KCTD8: variants seen among roughly 807,000 people sequenced by gnomAD.
KCTD8 encodes BTB/POZ domain-containing protein KCTD8.
A neutral mutation model predicts 31.5 loss-of-function variants in KCTD8; 27 were observed. The observed-to-expected ratio is 0.86, with a 90% CI of 0.63 to 1.18. The LOEUF (loss-of-function observed/expected upper bound fraction) is 1.18, where lower values mean the gene tolerates loss of function less well. KCTD8 is among the 50% of genes most tolerant of loss of function. The probability of loss-of-function intolerance (pLI) is 0.00; values close to 1 mark genes in which losing one functional copy is unlikely to be tolerated. For synonymous variants in KCTD8, 290 were observed against 280.0 expected (o/e 1.04, Z -0.36); for missense variants, 658 against 647.7 (o/e 1.02, Z -0.17).
chr4:44,380,429 A>T (rs1254429028), intron 1 of KCTD8, among the ~76,000 whole-genome samples: 1 of 151,826 alleles, frequency 6.6e-6, no homozygotes, highest in African/African-American at 2.4e-5. Flanking sequence ...AAAAAAAAAA[A>T]AAATCAGTAT....
rs538695823 is a variant in KCTD8, at chr4:44,414,230, G to T, written c.961+33333C>A. ...AAAAAAGAAGAGCAAAAGGCTTAGA[G>T]AATTTTTATTAAGCATCAACCAAGA... On this transcript the variant is annotated intron_variant, in intron 1 of 1. Coordinates refer to ENST00000360029, the MANE Select transcript of KCTD8 (RefSeq NM_198353.3). Among the ~76,000 whole-genome samples, 5 of 151,988 alleles carry T rather than the reference G, an allele frequency of 3.3e-5. No individual in the cohort carries two copies. In the East Asian group the frequency reaches 9.7e-4, roughly 29 times the overall value.
chr4:44,347,194 A>G (rs918991081), intron 1 of KCTD8, among the ~76,000 whole-genome samples: 1 of 152,224 alleles, frequency 6.6e-6, no homozygotes, highest in African/African-American at 2.4e-5. Context: ...TTTCAAAGCT[A>G]CTATCATAGC....
At chr4:44,371,581 C>T (rs889051884) in intron 1 of KCTD8, among the ~76,000 whole-genome samples, 3 of 152,012 alleles carry the variant, frequency 2.0e-5, no homozygotes, top group African/African-American at 4.8e-5. Flanking sequence ...GGAGGCTATT[C>T]CCAATTAAAT....
chr4:44,204,320 A>G (rs915003523), intron 1 of KCTD8, among the ~76,000 whole-genome samples: 1 of 152,170 alleles, frequency 6.6e-6, no homozygotes, highest in Non-Finnish European at 1.5e-5. Flanking sequence ...TAAAAGGCAG[A>G]AATGAAATCC....
intron 1 of KCTD8, among the ~76,000 whole-genome samples, chr4:44,215,664 G>C (rs779930702): frequency 7.2e-5 from 11 of 152,172 alleles, no homozygotes; most frequent in Non-Finnish European, 1.5e-4. Flanking sequence ...GCCAAGGTCT[G>C]CATTGAGAAC....
chr4:44,387,154 C>G (rs1720243811), intron 1 of KCTD8, among the ~76,000 whole-genome samples: 1 of 151,452 alleles, frequency 6.6e-6, no homozygotes, highest in Non-Finnish European at 1.5e-5. Context: ...ATACCTAGAA[C>G]TACACTAACT....
At chr4:44,316,399 G>T (rs1577611697) in intron 1 of KCTD8, among the ~76,000 whole-genome samples, 2 of 151,852 alleles carry the variant, frequency 1.3e-5, no homozygotes, top group Non-Finnish European at 1.5e-5. Context: ...TTCCTCCAGG[G>T]TTGATTTGTT....
At chr4:44,398,503 T>A (rs1373185002) in intron 1 of KCTD8, among the ~76,000 whole-genome samples, 2 of 152,208 alleles carry the variant, frequency 1.3e-5, no homozygotes, top group African/African-American at 4.8e-5. Flanking sequence ...GTGGATCAAC[T>A]ATATTCTAGC....
chr4:44,447,585 G>A lies in KCTD8; in HGVS notation c.939C>T (p.Ser313=), dbSNP rs750203965. 2 of 1,593,766 alleles carry A rather than the reference G, an allele frequency of 1.3e-6. No individual in the cohort carries two copies. The highest frequency in any genetic ancestry group is 2.3e-5 in the East Asian group (1 of 43,844). Residue 313 remains serine (S), a synonymous_variant, in exon 1 of 2, where the codon AGC becomes AGT. Transcript: ENST00000360029. ...TACGGAAGAAAATGTACTCGGTGTA[G>A]CTGCTCCAGATCTTGTCGTCGCGGT... is the stretch of plus-strand genomic sequence containing the variant. ...NQYRDDKIWS[S]YTEYIFFRPP... is the part of the protein sequence containing the mutation.
At chr4:44,335,856 G>A (rs1282750681) in intron 1 of KCTD8, among the ~76,000 whole-genome samples, 1 of 151,914 alleles carries the variant, frequency 6.6e-6, no homozygotes, top group African/African-American at 2.4e-5. Context: ...ACCCACAATA[G>A]AAAAAATATA....
chr4:44,413,778 G>T (rs1721011690), intron 1 of KCTD8, among the ~76,000 whole-genome samples: 1 of 152,018 alleles, frequency 6.6e-6, no homozygotes, highest in Non-Finnish European at 1.5e-5. Context: ...GGAGTCTGCA[G>T]AGGTACTTAA....
intron 1 of KCTD8, among the ~76,000 whole-genome samples, chr4:44,370,927 A>G (rs1056136362): frequency 2.0e-5 from 3 of 152,066 alleles, no homozygotes; most frequent in African/African-American, 7.2e-5. Context: ...TGATACATAG[A>G]AAGAGATTTA....
At chr4:44,288,344 A>C (rs891203858) in intron 1 of KCTD8, among the ~76,000 whole-genome samples, 8 of 152,146 alleles carry the variant, frequency 5.3e-5, no homozygotes, top group African/African-American at 1.9e-4. Flanking sequence ...AGTACATAAA[A>C]ACTTTCTTTA....
chr4:44,208,349 G>T (rs1714378410), intron 1 of KCTD8, among the ~76,000 whole-genome samples: 1 of 152,100 alleles, frequency 6.6e-6, no homozygotes, highest in Admixed American at 6.6e-5. Context: ...AACTAGCAGG[G>T]AAAGTAATTA....
intron 1 of KCTD8, among the ~76,000 whole-genome samples, chr4:44,435,631 T>C (rs1035067315): frequency 6.6e-6 from 1 of 152,082 alleles, no homozygotes; most frequent in Non-Finnish European, 1.5e-5. Flanking sequence ...TAAGGGGAGT[T>C]ATGCAACGAT....
chr4:44,215,702 C>T (rs1221054805), intron 1 of KCTD8, among the ~76,000 whole-genome samples: 6 of 152,172 alleles, frequency 3.9e-5, no homozygotes, highest in Non-Finnish European at 7.4e-5. Context: ...TGTAACAAAT[C>T]ATTAACCTAA....
chr4:44,384,173 G>C (rs1720148026), intron 1 of KCTD8, among the ~76,000 whole-genome samples: 1 of 151,770 alleles, frequency 6.6e-6, no homozygotes, highest in East Asian at 1.9e-4. Context: ...AACAAATGCT[G>C]GTGAGGATAA....
At chr4:44,336,173 A>AAAAAAAAAAAAG (rs1560429422) in intron 1 of KCTD8, among the ~76,000 whole-genome samples, 1 of 139,282 alleles carries the variant, frequency 7.2e-6, no homozygotes, top group African/African-American at 2.5e-5. Flanking sequence ...AAAAAAAAAA[A>AAAAAAAAAAAAG]AAAGAAAAAA....
chr4:44,279,379 G>A (rs1207877299), intron 1 of KCTD8, among the ~76,000 whole-genome samples: 1 of 151,982 alleles, frequency 6.6e-6, no homozygotes, highest in Non-Finnish European at 1.5e-5. Context: ...TTCAGTTCCT[G>A]TCCATGCTTT....
Sources: gnomAD v4.1 joint callset for allele counts (sites outside exome capture counted in the v4.1 genomes callset) on GRCh38, gnomAD v4.1.1 for gene constraint, MANE v1.5 for transcripts, NCBI Gene and HGNC (gene_info 2026-07-23, HGNC 2026-07-21) for gene names.